Variants in GLIS3 observed in about 807,000 individuals in gnomAD.
The protein encoded by GLIS3 is zinc finger protein GLIS3.
In GLIS3, 53 loss-of-function variants were observed where a neutral mutation model predicts 78.6. The ratio of observed to expected loss-of-function variants is 0.67; its 90% CI spans 0.54 to 0.85. The LOEUF (loss-of-function observed/expected upper bound fraction) is 0.85, where lower values mean the gene tolerates loss of function less well. Among genes scored for constraint, GLIS3 ranks in the 40% least tolerant of loss-of-function variants. GLIS3 has a pLI of 0.00. For synonymous variants in GLIS3, 684 were observed against 509.9 expected (o/e 1.34, Z -4.60); for missense variants, 1,703 against 1,231.1 (o/e 1.38, Z -5.74).
At chr9:4,338,395 C>T (rs1192188093) in intron 2 of GLIS3, among the ~76,000 whole-genome samples, 1 of 150,560 alleles carries the variant, frequency 6.6e-6, no homozygotes, top group African/African-American at 2.5e-5. Context: ...CACATACACA[C>T]ACACACACAC....
At chr9:4,474,741 G>C in the GLIS3 span, among the ~76,000 whole-genome samples, 4 of 146,964 alleles carry the variant, frequency 2.7e-5, no homozygotes, top group African/African-American at 1.0e-4. Context: ...CTGTCACCCA[G>C]GCTGGAGTGC....
chr9:4,190,400 G>C (rs945414613), intron 2 of GLIS3, among the ~76,000 whole-genome samples: 1 of 151,688 alleles, frequency 6.6e-6, no homozygotes, highest in African/African-American at 2.4e-5. Flanking sequence ...AGCCTCAGGA[G>C]CCGATGCGAT....
chr9:4,328,247 C>A (rs1311393050), intron 2 of GLIS3, among the ~76,000 whole-genome samples: 14 of 152,158 alleles, frequency 9.2e-5, no homozygotes, highest in African/African-American at 3.4e-4. Flanking sequence ...CATCTCCATG[C>A]CTCCTTTAGG....
chr9:4,029,486 T>C (rs1823631333), intron 4 of GLIS3, among the ~76,000 whole-genome samples: 1 of 152,164 alleles, frequency 6.6e-6, no homozygotes, highest in Non-Finnish European at 1.5e-5. Context: ...TTTAAAAATG[T>C]ACAATTAAAT....
chr9:4,438,947 C>A, the GLIS3 span, among the ~76,000 whole-genome samples: 1 of 152,090 alleles, frequency 6.6e-6, no homozygotes, highest in African/African-American at 2.4e-5. Flanking sequence ...TTGTATAATC[C>A]TACTCTATAA....
chr9:4,429,851 A>G, the GLIS3 span, among the ~76,000 whole-genome samples: 1 of 152,146 alleles, frequency 6.6e-6, no homozygotes, highest in Admixed American at 6.6e-5. Context: ...GCCTGAAACT[A>G]AAGCGGGTTT....
intron 4 of GLIS3, among the ~76,000 whole-genome samples, chr9:4,048,200 G>T (rs1263578880): frequency 2.6e-5 from 4 of 152,166 alleles, no homozygotes; most frequent in Non-Finnish European, 5.9e-5. Context: ...ATTATGTAGG[G>T]CTGGCTATAG....
At chr9:4,135,259 C>G (rs761905961) in intron 2 of GLIS3, among the ~76,000 whole-genome samples, 22 of 152,054 alleles carry the variant, frequency 1.4e-4, no homozygotes, top group Non-Finnish European at 2.6e-4. Flanking sequence ...GTGTATGTGT[C>G]CATGTGCTTT....
intron 4 of GLIS3, among the ~76,000 whole-genome samples, chr9:3,985,373 C>T (rs1351838727): frequency 2.0e-5 from 3 of 152,164 alleles, no homozygotes; most frequent in Non-Finnish European, 1.5e-5. Context: ...GTCTCAAACT[C>T]CTGAGCTCAG....
chr9:3,925,265 C>A lies in GLIS3; in HGVS notation c.1983+7095G>T, dbSNP rs118168588. Among the ~76,000 whole-genome samples the A allele has an allele frequency of 5.5e-3, 838 of 152,266 alleles. 4 individuals carry two copies. Among genetic ancestry groups the A allele is most frequent in the Middle Eastern group, 0.014 (4 of 294 alleles). On this transcript the variant is annotated intron_variant, in intron 6 of 10. Transcript: ENST00000381971. Reference sequence around the variant, plus strand: ...AGAAGCTTTCTCTGTGTGACTTTATCATAGCATTTCCCCCACTATACTGAA... The same window carrying A: ...AGAAGCTTTCTCTGTGTGACTTTATAATAGCATTTCCCCCACTATACTGAA...
intron 7 of GLIS3, among the ~76,000 whole-genome samples, chr9:3,882,986 A>G (rs1336171196): frequency 2.0e-5 from 3 of 152,190 alleles, no homozygotes; most frequent in Admixed American, 2.0e-4. Flanking sequence ...TGCTCATTGT[A>G]GACGTTGCTT....
chr9:4,146,251 CCTTA>C (rs1419644605), intron 2 of GLIS3, among the ~76,000 whole-genome samples: 1 of 152,106 alleles, frequency 6.6e-6, no homozygotes, highest in African/African-American at 2.4e-5. Context: ...AGGGGGGACA[CCTTA>C]CTAACTTAAT....
intron 4 of GLIS3, among the ~76,000 whole-genome samples, chr9:4,011,443 G>C (rs1048610018): frequency 6.6e-6 from 1 of 152,242 alleles, no homozygotes; most frequent in East Asian, 1.9e-4. Context: ...TCAGTGGCCT[G>C]AGTGTCTTAG....
intron 4 of GLIS3, among the ~76,000 whole-genome samples, chr9:4,063,839 G>C (rs1826856708): frequency 6.6e-6 from 1 of 152,064 alleles, no homozygotes; most frequent in Non-Finnish European, 1.5e-5. Context: ...AAAAAGTGAA[G>C]GTATAATGGG....
chr9:4,120,710 A>G (rs1228250923), intron 3 of GLIS3, among the ~76,000 whole-genome samples: 2 of 152,242 alleles, frequency 1.3e-5, no homozygotes, highest in Admixed American at 1.3e-4. Flanking sequence ...CATAGAACAT[A>G]AAGAACCAGA....
chr9:4,438,562 T>C, the GLIS3 span, among the ~76,000 whole-genome samples: 8 of 152,174 alleles, frequency 5.3e-5, no homozygotes, highest in Admixed American at 3.3e-4. Context: ...CTGGTGTTTT[T>C]CATTACTTTG....
chr9:3,951,904 G>C (rs1044836051), intron 4 of GLIS3, among the ~76,000 whole-genome samples: 1 of 133,948 alleles, frequency 7.5e-6, no homozygotes, highest in African/African-American at 2.8e-5. Flanking sequence ...ACACCCACTG[G>C]CCTTTCTGGA....
At chr9:3,834,163 G>A (rs1274351645) in intron 9 of GLIS3, among the ~76,000 whole-genome samples, 2 of 151,900 alleles carry the variant, frequency 1.3e-5, no homozygotes, top group African/African-American at 2.4e-5. Context: ...TTTTAGTCAC[G>A]GAGTCACTAG....
At chr9:4,403,381 T>C in the GLIS3 span, among the ~76,000 whole-genome samples, 1 of 152,158 alleles carries the variant, frequency 6.6e-6, no homozygotes, top group African/African-American at 2.4e-5. Flanking sequence ...AAAAACTCAC[T>C]GGTAATAGTA....
Sources: gnomAD v4.1 joint callset for allele counts (sites outside exome capture counted in the v4.1 genomes callset) on GRCh38, gnomAD v4.1.1 for gene constraint, MANE v1.5 for transcripts, NCBI Gene and HGNC (gene_info 2026-07-23, HGNC 2026-07-21) for gene names.